The following CTNND2 variants were observed in gnomAD, a reference collection of about 807,000 sequenced individuals.
CTNND2 encodes catenin delta-2.
CTNND2 carries 22 observed loss-of-function variants against 144.4 expected under a neutral mutation model. The ratio of observed to expected loss-of-function variants is 0.15; its 90% CI spans 0.11 to 0.22. The LOEUF is 0.22. Ranked by LOEUF, CTNND2 falls within the 10% of genes least tolerant of loss-of-function variation. The probability of loss-of-function intolerance (pLI) is 1.00; values close to 1 mark genes in which losing one functional copy is unlikely to be tolerated. For synonymous variants in CTNND2, 751 were observed against 695.6 expected, an observed-to-expected ratio of 1.08 and a Z score of -1.25; for missense variants, 1,353 against 1,618.8, an observed-to-expected ratio of 0.84 and a Z score of 2.82.
chr5:11,795,975 T>C (rs1449676909), intron 1 of CTNND2, among the ~76,000 whole-genome samples: 1 of 152,222 alleles, frequency 6.6e-6, no homozygotes, highest in Non-Finnish European at 1.5e-5. Flanking sequence ...TCCTTGTCTT[T>C]TCCAGCTTCT....
In CTNND2 at chr5:11,605,079, T is replaced by C. The variant is rs550397906; in HGVS notation, c.175-40023A>G. On this transcript the variant is annotated intron_variant, in intron 2 of 21. Coordinates refer to ENST00000304623, the MANE Select transcript of CTNND2 (RefSeq NM_001332.4). The stretch of plus-strand genomic sequence containing the variant: ...TTTATTTATGAAATGGGAAAAACTC[T>C]TGTACCGTACAGTTCAAGAGAAGAT... 3.9e-5 allele frequency among the ~76,000 whole-genome samples: 6 copies of C among 152,278 alleles called. No homozygotes were observed. The East Asian group carries it at 1.2e-3, about 29-fold the overall frequency.
chr5:11,082,199 G>T (rs968862964), intron 16 of CTNND2, among the ~76,000 whole-genome samples: 1 of 152,216 alleles, frequency 6.6e-6, no homozygotes, highest in Admixed American at 6.5e-5. Flanking sequence ...TTGTTGAATA[G>T]ACAGGTGAAT....
intron 10 of CTNND2, among the ~76,000 whole-genome samples, chr5:11,209,810 T>C (rs367860056): frequency 5.5e-4 from 83 of 152,148 alleles, no homozygotes; most frequent in African/African-American, 1.9e-3. Flanking sequence ...TAGTCCCAGC[T>C]ACTTGGGAGG....
intron 10 of CTNND2, among the ~76,000 whole-genome samples, chr5:11,235,423 G>A (rs1196829533): frequency 2.0e-5 from 3 of 152,146 alleles, no homozygotes; most frequent in East Asian, 3.8e-4. Flanking sequence ...CAGGAGTCAC[G>A]TAACTTTAAT....
chr5:10,977,697 C>T (rs1467589308), intron 21 of CTNND2, among the ~76,000 whole-genome samples: 1 of 152,226 alleles, frequency 6.6e-6, no homozygotes, highest in Non-Finnish European at 1.5e-5. Context: ...AAGCGATCTG[C>T]CTGCCTCGGC....
At chr5:11,864,567 T>C (rs1795652037) in intron 1 of CTNND2, among the ~76,000 whole-genome samples, 2 of 152,156 alleles carry the variant, frequency 1.3e-5, no homozygotes, top group South Asian at 4.1e-4. Context: ...CCCGCTGCCT[T>C]TCCTGGATCC....
intron 3 of CTNND2, among the ~76,000 whole-genome samples, chr5:11,430,248 C>CAAAAAAAAAAAAAAAAAA (rs1307787997): frequency 2.6e-5 from 1 of 38,482 alleles, no homozygotes. Context: ...GACTCCGTCT[C>CAAAAAAAAAAAAAAAAAA]AAAAAAAAAA....
chr5:11,668,640 C>A (rs547620514), intron 2 of CTNND2, among the ~76,000 whole-genome samples: 1 of 152,170 alleles, frequency 6.6e-6, no homozygotes, highest in Non-Finnish European at 1.5e-5. Flanking sequence ...GCTAAAGTTG[C>A]ATATCAGCTT....
At chr5:11,323,650 T>C (rs917397816) in intron 9 of CTNND2, among the ~76,000 whole-genome samples, 1 of 152,134 alleles carries the variant, frequency 6.6e-6, no homozygotes, top group African/African-American at 2.4e-5. Flanking sequence ...CTTTTAGACA[T>C]GTTGGGTTTG....
intron 3 of CTNND2, among the ~76,000 whole-genome samples, chr5:11,550,090 A>G (rs1272137901): frequency 6.6e-6 from 1 of 152,248 alleles, no homozygotes; most frequent in African/African-American, 2.4e-5. Context: ...AGTGCCTAAC[A>G]CCATGCTAAT....
At chr5:11,636,276 CCAGAAT>C (rs1561643255) in intron 2 of CTNND2, among the ~76,000 whole-genome samples, 1 of 152,150 alleles carries the variant, frequency 6.6e-6, no homozygotes, top group Non-Finnish European at 1.5e-5. Context: ...TCTGCCCGCT[CCAGAAT>C]CATTGTTCAG....
chr5:11,444,329 C>G (rs1011851319), intron 3 of CTNND2, among the ~76,000 whole-genome samples: 2 of 152,146 alleles, frequency 1.3e-5, no homozygotes, highest in Non-Finnish European at 2.9e-5. Context: ...CATGAATTAG[C>G]TCCACAATTG....
intron 12 of CTNND2, among the ~76,000 whole-genome samples, chr5:11,119,403 T>G (rs1210804380): frequency 6.6e-6 from 1 of 152,188 alleles, no homozygotes; most frequent in Non-Finnish European, 1.5e-5. Flanking sequence ...TTTCTCAGCT[T>G]CCTAGATAAT....
At chr5:11,673,992 A>T (rs1784039020) in intron 2 of CTNND2, among the ~76,000 whole-genome samples, 1 of 152,202 alleles carries the variant, frequency 6.6e-6, no homozygotes. Flanking sequence ...TTAAATATGA[A>T]GCCGAATTTA....
intron 2 of CTNND2, among the ~76,000 whole-genome samples, chr5:11,611,726 C>T (rs1252284523): frequency 2.6e-5 from 4 of 152,124 alleles, no homozygotes; most frequent in South Asian, 2.1e-4. Flanking sequence ...TGCAGTGAGC[C>T]GAGATCGCGC....
intron 19 of CTNND2, among the ~76,000 whole-genome samples, chr5:10,989,968 C>A (rs779046202): frequency 6.6e-6 from 1 of 152,164 alleles, no homozygotes; most frequent in Non-Finnish European, 1.5e-5. Context: ...GAATTCATTA[C>A]CTGGAATCCT....
chr5:11,851,110 C>T (rs1794990623), intron 1 of CTNND2, among the ~76,000 whole-genome samples: 1 of 152,162 alleles, frequency 6.6e-6, no homozygotes. Context: ...GGCCTACTGG[C>T]CTGTCCCACA....
At chr5:11,882,832 AT>A (rs1381006780) in intron 1 of CTNND2, among the ~76,000 whole-genome samples, 1 of 152,046 alleles carries the variant, frequency 6.6e-6, no homozygotes, top group African/African-American at 2.4e-5. Flanking sequence ...TGTTGTTTCT[AT>A]TTCTGTGAAG....
chr5:11,638,907 T>C (rs777142858), intron 2 of CTNND2, among the ~76,000 whole-genome samples: 3 of 152,214 alleles, frequency 2.0e-5, no homozygotes, highest in Admixed American at 6.5e-5. Flanking sequence ...GCAGGTTTCT[T>C]ATTTCTTTAT....
Sources: allele counts gnomAD v4.1 joint callset (sites outside exome capture counted in the v4.1 genomes callset), GRCh38; gene constraint gnomAD v4.1.1; transcripts MANE v1.5; gene names NCBI Gene and HGNC (gene_info 2026-07-23, HGNC 2026-07-21).